PRKCE: variants seen among roughly 807,000 people sequenced by gnomAD.
PRKCE encodes the protein protein kinase C epsilon type.
PRKCE carries 16 observed loss-of-function variants against 85.4 expected under a neutral mutation model. The observed-to-expected ratio is 0.19, with a 90% CI of 0.13 to 0.28. PRKCE has a LOEUF of 0.28. Ranked by LOEUF, PRKCE falls within the 10% of genes least tolerant of loss-of-function variation. The pLI, the probability that PRKCE is intolerant of heterozygous loss-of-function variation, is 1.00. For missense variants in PRKCE, 573 were observed against 975.2 expected, an observed-to-expected ratio of 0.59 and a Z score of 5.49; for synonymous variants, 388 against 371.5, an observed-to-expected ratio of 1.04 and a Z score of -0.51.
chr2:45,848,963 G>A (rs1202829169), intron 2 of PRKCE, among the ~76,000 whole-genome samples: 4 of 152,200 alleles, frequency 2.6e-5, no homozygotes, highest in East Asian at 1.9e-4. Context: ...ACCATTGTGA[G>A]TGGAGGGAAT....
chr2:46,040,117 C>T (rs543387203), intron 10 of PRKCE, among the ~76,000 whole-genome samples: 1 of 152,206 alleles, frequency 6.6e-6, no homozygotes, highest in African/African-American at 2.4e-5. Context: ...GCCTGTTTGC[C>T]TCTCTGAATA....
chr2:46,002,740 C>T (rs1704805055), intron 7 of PRKCE, among the ~76,000 whole-genome samples: 1 of 152,162 alleles, frequency 6.6e-6, no homozygotes, highest in African/African-American at 2.4e-5. Flanking sequence ...GAATTGCAAG[C>T]AGAGTATCAG....
At chr2:45,961,069 C>G (rs1411424263) in intron 2 of PRKCE, among the ~76,000 whole-genome samples, 1 of 152,214 alleles carries the variant, frequency 6.6e-6, no homozygotes, top group African/African-American at 2.4e-5. Context: ...GAATTCCCAG[C>G]TCTCAGGAGC....
At chr2:46,120,674 A>C (rs2104325225) in intron 11 of PRKCE, among the ~76,000 whole-genome samples, 1 of 152,276 alleles carries the variant, frequency 6.6e-6, no homozygotes, top group East Asian at 1.9e-4. Flanking sequence ...AAGATAGGAG[A>C]AGGCATAAGG....
chr2:46,095,536 G>A (rs768617540), intron 11 of PRKCE, among the ~76,000 whole-genome samples: 10 of 152,210 alleles, frequency 6.6e-5, no homozygotes, highest in African/African-American at 1.2e-4. Context: ...CTTTTCTCTC[G>A]CTCCACATCA....
chr2:45,939,141 A>G (rs982383195), intron 2 of PRKCE, among the ~76,000 whole-genome samples: 14 of 152,328 alleles, frequency 9.2e-5, no homozygotes, highest in South Asian at 2.1e-4. Flanking sequence ...CAAACATTAT[A>G]CATTATGCCC....
At chr2:45,996,279 G>A (rs1597250) in intron 6 of PRKCE, among the ~76,000 whole-genome samples, 105,590 of 152,028 alleles carry the variant, frequency 0.69, 37,165 homozygotes, top group African/African-American at 0.8. Flanking sequence ...TTTTCTACAT[G>A]GACAATCATA....
rs148505956 is a variant in PRKCE at position 46,079,082 on chromosome 2, C to T, written c.1438-7126C>T. 8.7e-5 allele frequency among the ~76,000 whole-genome samples: 13 copies of T among 148,986 alleles called. No homozygotes were observed. In the East Asian group the frequency reaches 2.6e-3, roughly 30 times the overall value. ...GTCCCAGCTACCCGGGAGGCTGAGGCAGGAGAATTGCTTGAACCCGAAGGT... is the reference window on the plus strand; with the variant it reads ...GTCCCAGCTACCCGGGAGGCTGAGGTAGGAGAATTGCTTGAACCCGAAGGT... On this transcript the variant is annotated intron_variant, in intron 10 of 14. Transcript: ENST00000306156.
chr2:45,937,972 C>G (rs959130140), intron 2 of PRKCE, among the ~76,000 whole-genome samples: 2 of 152,222 alleles, frequency 1.3e-5, no homozygotes, highest in African/African-American at 4.8e-5. Context: ...GCCCTCCTTG[C>G]TGCCATGCTG....
intron 14 of PRKCE, among the ~76,000 whole-genome samples, chr2:46,166,064 C>T (rs1219497146): frequency 6.6e-6 from 1 of 152,234 alleles, no homozygotes; most frequent in Non-Finnish European, 1.5e-5. Flanking sequence ...CCGTTTCCAT[C>T]CAGCCATCCG....
chr2:45,936,533 A>G (rs1380254709), intron 2 of PRKCE, among the ~76,000 whole-genome samples: 2 of 151,910 alleles, frequency 1.3e-5, no homozygotes. Context: ...AGCCAGCGGG[A>G]GGCCCGACAT....
chr2:45,820,867 C>T (rs954161417), intron 1 of PRKCE, among the ~76,000 whole-genome samples: 1 of 152,136 alleles, frequency 6.6e-6, no homozygotes, highest in African/African-American at 2.4e-5. Context: ...AGGCAAGACA[C>T]CTGGCCTTCT....
intron 2 of PRKCE, among the ~76,000 whole-genome samples, chr2:45,963,140 G>A (rs987159360): frequency 9.9e-5 from 15 of 152,016 alleles, no homozygotes; most frequent in Admixed American, 3.9e-4. Context: ...TCGATAGAAG[G>A]GAGGATGGAA....
chr2:45,852,413 C>T (rs1173279586), intron 2 of PRKCE, among the ~76,000 whole-genome samples: 1 of 152,218 alleles, frequency 6.6e-6, no homozygotes, highest in Non-Finnish European at 1.5e-5. Flanking sequence ...GTAGTTCCTG[C>T]TCCATAATTA....
chr2:46,031,033 G>A (rs1018829591), intron 10 of PRKCE, among the ~76,000 whole-genome samples: 2 of 152,194 alleles, frequency 1.3e-5, no homozygotes, highest in African/African-American at 4.8e-5. Context: ...TATGTGAGTA[G>A]GGATGAATAT....
intron 2 of PRKCE, among the ~76,000 whole-genome samples, chr2:45,927,058 T>C (rs1377948127): frequency 1.3e-5 from 2 of 151,244 alleles, no homozygotes; most frequent in African/African-American, 4.9e-5. Context: ...TGGTGAGAAT[T>C]ATAGAATGTG....
intron 2 of PRKCE, among the ~76,000 whole-genome samples, chr2:45,954,827 A>G (rs747823836): frequency 6.6e-6 from 1 of 152,244 alleles, no homozygotes; most frequent in Non-Finnish European, 1.5e-5. Context: ...CATTTTAATC[A>G]TGTATGCAAG....
At position 45,868,149 on chromosome 2, in the gene PRKCE, CAAACAAACAAA is replaced by C. The variant is rs576647586; in HGVS notation, c.412+25098_412+25108del. On this transcript the variant is annotated intron_variant, in intron 2 of 14. Transcript: ENST00000306156. ...ATATCTGCAAAGTTTTAAAAACAAA[CAAACAAACAAA>C]AAACAAACAAACAAAAACACCCATG... Among the ~76,000 whole-genome samples the C allele has an allele frequency of 1.5e-3, 217 of 145,912 alleles. 1 individual carries two copies. Among genetic ancestry groups the C allele is most frequent in the Middle Eastern group, 7.1e-3 (2 of 282 alleles).
chr2:45,763,598 A>G (rs1318581638), intron 1 of PRKCE, among the ~76,000 whole-genome samples: 1 of 151,988 alleles, frequency 6.6e-6, no homozygotes, highest in Non-Finnish European at 1.5e-5. Flanking sequence ...AAGTTTAGTA[A>G]TACTCAGTGT....
Sources: allele counts gnomAD v4.1 joint callset (sites outside exome capture counted in the v4.1 genomes callset), GRCh38; gene constraint gnomAD v4.1.1; transcripts MANE v1.5; gene names NCBI Gene and HGNC (gene_info 2026-07-23, HGNC 2026-07-21).